The following IPO7 variants were observed in gnomAD, a reference collection of about 807,000 sequenced individuals.
The protein encoded by IPO7 is importin 7.
Under a neutral mutation model 136.4 loss-of-function variants are expected in IPO7, and 13 were observed. That is an observed-to-expected ratio of 0.10 (90% CI 0.06 to 0.15). The LOEUF is 0.15. IPO7 is among the 10% of genes least tolerant of loss of function. IPO7 has a pLI of 1.00. For synonymous variants in IPO7, 403 were observed against 404.4 expected, an observed-to-expected ratio of 1.00 and a Z score of 0.04; for missense variants, 857 against 1,240.6, an observed-to-expected ratio of 0.69 and a Z score of 4.65.
In IPO7 at chr11:9,445,293, T is replaced by A; in HGVS notation, c.*99T>A. The stretch of plus-strand genomic sequence containing the variant: ...GTTCATGTTATCTATTCTAAACTAA[T>A]AATCAATAGATGGACAAAAGAAACA... On this transcript the variant is annotated 3_prime_UTR_variant, in exon 25 of 25. Transcript: ENST00000379719. The A allele has an allele frequency of 2.2e-6, 1 of 459,798 alleles. No homozygotes were observed. 28.5% of individuals were successfully genotyped at this position (459,798 alleles called of 1,614,324 possible).
At chr11:9,427,465 G>A (rs1182144494) in intron 12 of IPO7, among the ~76,000 whole-genome samples, 2 of 152,136 alleles carry the variant, frequency 1.3e-5, no homozygotes, top group African/African-American at 4.8e-5. Context: ...TCACCATGTT[G>A]GCCTGGCTGG....
chr11:9,395,534 C>T (rs929607588), intron 1 of IPO7, among the ~76,000 whole-genome samples: 26 of 151,958 alleles, frequency 1.7e-4, no homozygotes, highest in Admixed American at 1.4e-3. Flanking sequence ...CCACCGCCCC[C>T]GGCCCTCACT....
At chr11:9,422,701 A>T (rs913771692) in intron 8 of IPO7, among the ~76,000 whole-genome samples, 2 of 152,034 alleles carry the variant, frequency 1.3e-5, no homozygotes, top group Non-Finnish European at 2.9e-5. Flanking sequence ...TAATCCCAGC[A>T]CTTTGGGAGG....
chr11:9,400,146 CTTATA>C (rs1854772110), intron 1 of IPO7, among the ~76,000 whole-genome samples: 1 of 152,054 alleles, frequency 6.6e-6, no homozygotes, highest in African/African-American at 2.4e-5. Flanking sequence ...AGTTGCTGTA[CTTATA>C]TTAAGTACTG....
chr11:9,421,627 C>CA (rs993969580), intron 8 of IPO7, among the ~76,000 whole-genome samples: 57 of 136,452 alleles, frequency 4.2e-4, no homozygotes, highest in East Asian at 2.8e-3. Context: ...GACTCCATCT[C>CA]AAAAAAAAAA....
chr11:9,445,190 A>G lies in IPO7; in HGVS notation c.3113A>G (p.Asn1038Ser). 1 of 1,571,264 alleles carries G rather than the reference A, an allele frequency of 6.4e-7. No homozygotes were observed. Among genetic ancestry groups the G allele is most frequent in the Non-Finnish European group, 8.8e-7 (1 of 1,140,920 alleles). ...TTTGGAGGCCCAGCACCAGGGATGA[A>G]TTGAGTTATCTCTTTCTTTCCTGCT... is the stretch of plus-strand genomic sequence containing the variant. Reference protein sequence around the residue: ...FNFGGPAPGMN With the variant: ...FNFGGPAPGMS The change falls in exon 25 of 25, where the codon AAT becomes AGT. Residue 1038 changes from asparagine to serine, a missense_variant. Asn to Ser is a conservative substitution (Grantham distance 46). Around this residue, in one of 11 missense-constraint regions of IPO7, gnomAD observed 13 missense variants for 19.6 expected, o/e 0.66. Transcript: ENST00000379719.
chr11:9,427,562 C>A (rs907185034), intron 12 of IPO7, among the ~76,000 whole-genome samples: 18 of 152,164 alleles, frequency 1.2e-4, no homozygotes, highest in African/African-American at 4.3e-4. Context: ...ACCCGGCCGT[C>A]TTTCATCTTT....
At position 9,438,065 on chromosome 11, in the gene IPO7, T is replaced by TTG. The variant is rs1554956357; in HGVS notation, c.2490-14_2490-13insGT. On this transcript the variant is annotated splice_polypyrimidine_tract_variant and intron_variant, in intron 21 of 24. Transcript: ENST00000379719. The stretch of plus-strand genomic sequence containing the variant: ...AAACAGTTTTTTTTTTTTTTTTTTT[T>TTG]TTTTTTTTTTTTAGGCTTCATGACA... The TTG allele has an allele frequency of 2.8e-6, 3 of 1,064,608 alleles. No homozygotes were observed. The highest frequency in any genetic ancestry group is 1.7e-5 in the African/African-American group (1 of 59,522). The allele number at this position is 1,064,608 out of a possible 1,614,324, so 65.9% of individuals were successfully genotyped here. A position where few individuals can be genotyped will look rare whatever the true frequency, so the allele number is the denominator to read the frequency against.
In IPO7 at chr11:9,389,216, T is replaced by C. The variant is rs528727349; in HGVS notation, c.84+4369T>C. ...TACAGGTGCCACCACATCTGGCCAA[T>C]TTTTGTATTTTTAGTAGAGACGGGG... On this transcript the variant is annotated intron_variant, in intron 1 of 24. Transcript: ENST00000379719. Among the ~76,000 whole-genome samples the C allele has an allele frequency of 5.3e-5, 8 of 152,026 alleles. No homozygotes were observed. In the South Asian group the frequency reaches 1.7e-3, roughly 32 times the overall value.
chr11:9,417,896 A>G (rs1411236119), intron 6 of IPO7, among the ~76,000 whole-genome samples: 3 of 151,666 alleles, frequency 2.0e-5, no homozygotes, highest in African/African-American at 7.3e-5. Flanking sequence ...TATTTTTAGT[A>G]GAGATGGAGT....
At chr11:9,398,071 C>T (rs1854740728) in intron 1 of IPO7, among the ~76,000 whole-genome samples, 1 of 152,146 alleles carries the variant, frequency 6.6e-6, no homozygotes. Context: ...CTGAAAACTG[C>T]CCTAGTAGTG....
intron 14 of IPO7, 150 bp from the exon 15 acceptor site, chr11:9,429,524 T>C (rs1590447674): frequency 4.5e-6 from 2 of 449,414 alleles, no homozygotes; most frequent in South Asian, 5.5e-5. Context: ...TATATATATA[T>C]ATTAATTGTA....
chr11:9,441,743 T>C (rs1181286436), intron 23 of IPO7, among the ~76,000 whole-genome samples: 6 of 152,230 alleles, frequency 3.9e-5, no homozygotes, highest in Non-Finnish European at 8.8e-5. Context: ...TTGCTTTAGC[T>C]CTGAATCTTT....
rs1855411615 is a variant in IPO7 at position 9,438,294 on chromosome 11, T to C, written c.2695+9T>C. On this transcript the variant is annotated intron_variant, in intron 22 of 24. Transcript: ENST00000379719. ...AGATGATGATGAAACCGGTAAGGGA[T>C]TTTCAATGGAAGAAGACAAAACTTA... The C allele has an allele frequency of 5.4e-6, 8 of 1,472,200 alleles. No individual in the cohort carries two copies. The highest frequency in any genetic ancestry group is 7.6e-6 in the Non-Finnish European group (8 of 1,055,488). 91.2% of individuals were successfully genotyped at this position (1,472,200 alleles called of 1,614,324 possible).
chr11:9,409,100 G>C (rs1235001319), intron 3 of IPO7, among the ~76,000 whole-genome samples: 2 of 151,042 alleles, frequency 1.3e-5, no homozygotes, highest in African/African-American at 4.9e-5. Flanking sequence ...TGTTGTAGGA[G>C]AATGCCTTAG....
rs942640354 is a variant in IPO7 at position 9,445,753 on chromosome 11, A to T, written c.*559A>T. On this transcript the variant is annotated 3_prime_UTR_variant, in exon 25 of 25. Coordinates refer to ENST00000379719, the MANE Select transcript of IPO7 (RefSeq NM_006391.3). ...TTCCTATGTAGATTATTGGACATTT[A>T]TTGTAGCACTACATAACTGATTATA... 1 of 152,078 alleles carries T rather than the reference A, an allele frequency of 6.6e-6. No individual in the cohort carries two copies. Among genetic ancestry groups the T allele is most frequent in the Non-Finnish European group, 1.5e-5 (1 of 68,118 alleles). 9.4% of individuals were successfully genotyped at this position (152,078 alleles called of 1,614,324 possible).
At chr11:9,399,789 G>C (rs1361409981) in intron 1 of IPO7, among the ~76,000 whole-genome samples, 5 of 152,184 alleles carry the variant, frequency 3.3e-5, no homozygotes, top group Non-Finnish European at 5.9e-5. Flanking sequence ...GGCATAGGTG[G>C]AAGGGTGTTT....
chr11:9,437,558 G>T (rs577914173), intron 20 of IPO7, among the ~76,000 whole-genome samples, 196 bp from the exon 21 acceptor site: 1 of 152,244 alleles, frequency 6.6e-6, no homozygotes, highest in East Asian at 1.9e-4. Flanking sequence ...CCGGCCCGTC[G>T]TGAGCTTTTA....
intron 24 of IPO7, 78 bp from the exon 25 acceptor site, chr11:9,445,019 C>T: frequency 3.4e-6 from 3 of 893,638 alleles, no homozygotes; most frequent in Non-Finnish European, 5.6e-6. Context: ...AAGCTACTGG[C>T]TTGTTTAATG....
Sources: allele counts gnomAD v4.1 joint callset (sites outside exome capture counted in the v4.1 genomes callset), GRCh38; gene constraint gnomAD v4.1.1; regional missense constraint gnomAD v4.1.1; transcripts MANE v1.5; gene names NCBI Gene and HGNC (gene_info 2026-07-23, HGNC 2026-07-21).